The following MIGA1 variants were observed in gnomAD, a reference collection of about 807,000 sequenced individuals.
The protein encoded by MIGA1 is mitoguardin 1, also known as family with sequence similarity 73, member A.
A neutral mutation model predicts 82.0 loss-of-function variants in MIGA1; 58 were observed. That is an observed-to-expected ratio of 0.71 (90% confidence interval 0.57 to 0.88). The LOEUF (loss-of-function observed/expected upper bound fraction) is 0.88. MIGA1 is among the 40% of genes least tolerant of loss of function. MIGA1 has a pLI of 0.00. For missense variants in MIGA1, 751 were observed against 749.1 expected (o/e 1.00, Z -0.03); for synonymous variants, 249 against 253.6 (o/e 0.98, Z 0.17).
At chr1:77,808,610 A>G (rs1340191456) in intron 5 of MIGA1, among the ~76,000 whole-genome samples, 1 of 152,200 alleles carries the variant, frequency 6.6e-6, no homozygotes, top group African/African-American at 2.4e-5. Context: ...AGAAGAACCA[A>G]ATGAACCTGT....
chr1:77,810,788 A>G (rs1683296416), intron 5 of MIGA1: 2 of 1,504,994 alleles, frequency 1.3e-6, no homozygotes, highest in African/African-American at 2.8e-5. Context: ...AAGGGTGAAT[A>G]TGCTACACAG....
chr1:77,847,208 A>T, intron 8 of MIGA1: 1 of 1,195,134 alleles, frequency 8.4e-7, no homozygotes, highest in East Asian at 2.3e-5. Context: ...AATGATTCTG[A>T]TGATGATGAT....
At chr1:77,874,309 A>C (rs1258010268) in intron 15 of MIGA1, among the ~76,000 whole-genome samples, 1 of 152,098 alleles carries the variant, frequency 6.6e-6, no homozygotes, top group Non-Finnish European at 1.5e-5. Context: ...GAGACCTGAA[A>C]TGTTCTTTAT....
intron 13 of MIGA1, among the ~76,000 whole-genome samples, chr1:77,864,832 C>T (rs74977019): frequency 0.015 from 2,273 of 152,280 alleles, 52 homozygotes; most frequent in African/African-American, 0.051. Flanking sequence ...CTGTTCTTTT[C>T]TGTTCTCAAA....
At position 77,783,221 on chromosome 1, in the gene MIGA1, T is replaced by A; in HGVS notation, c.82-17T>A. The A allele has an allele frequency of 6.7e-7, 1 of 1,503,354 alleles. No homozygotes were observed. Among genetic ancestry groups the A allele is most frequent in the Non-Finnish European group, 9.1e-7 (1 of 1,100,046 alleles). 93.1% of individuals were successfully genotyped at this position (1,503,354 alleles called of 1,614,324 possible). A position where few individuals can be genotyped will look rare whatever the true frequency, so the allele number is the denominator to read the frequency against. ...AAATCTTTGTGGCTAATTTTTTTTA[T>A]GTTTCATTTAATGAAGATTAGAAGA... On this transcript the variant is annotated splice_polypyrimidine_tract_variant and intron_variant, in intron 1 of 15. Transcript: ENST00000370791.
At chr1:77,788,394 C>T (rs1682267867) in intron 2 of MIGA1, among the ~76,000 whole-genome samples, 1 of 152,178 alleles carries the variant, frequency 6.6e-6, no homozygotes, top group Non-Finnish European at 1.5e-5. Flanking sequence ...CCACCTTGGC[C>T]TCCAAAGTGC....
chr1:77,819,963 CTG>C (rs942835626), intron 7 of MIGA1, among the ~76,000 whole-genome samples: 8 of 152,216 alleles, frequency 5.3e-5, no homozygotes, highest in Non-Finnish European at 1.2e-4. Flanking sequence ...GGAGGATTAA[CTG>C]TGAACTTTTT....
intron 14 of MIGA1, among the ~76,000 whole-genome samples, chr1:77,869,347 C>A (rs1685806177): frequency 6.8e-6 from 1 of 147,846 alleles, no homozygotes; most frequent in African/African-American, 2.5e-5. Context: ...TACTTCTATC[C>A]ACACAGACCC....
chr1:77,851,992 C>A (rs576667790), intron 8 of MIGA1, among the ~76,000 whole-genome samples: 2 of 149,732 alleles, frequency 1.3e-5, no homozygotes, highest in South Asian at 4.3e-4. Context: ...TCAAGCAATT[C>A]TTCTGCCTCA....
intron 2 of MIGA1, among the ~76,000 whole-genome samples, chr1:77,797,552 A>G (rs1436773507): frequency 6.6e-6 from 1 of 152,090 alleles, no homozygotes; most frequent in African/African-American, 2.4e-5. Flanking sequence ...TATTTGGATT[A>G]TGTTGTTTAT....
intron 2 of MIGA1, among the ~76,000 whole-genome samples, chr1:77,794,788 G>A (rs1352538558): frequency 1.3e-5 from 2 of 152,096 alleles, no homozygotes; most frequent in East Asian, 1.9e-4. Context: ...GCAACAGAGC[G>A]AGACCCTGTC....
At chr1:77,814,075 G>T (rs1683480579) in intron 6 of MIGA1, among the ~76,000 whole-genome samples, 1 of 152,064 alleles carries the variant, frequency 6.6e-6, no homozygotes, top group Non-Finnish European at 1.5e-5. Context: ...TTTTTGTAAA[G>T]ATGGTGTCTC....
chr1:77,822,247 C>T (rs765969613), intron 7 of MIGA1, among the ~76,000 whole-genome samples: 4 of 152,080 alleles, frequency 2.6e-5, no homozygotes, highest in African/African-American at 4.8e-5. Context: ...TCTGTTTTTA[C>T]GTTTTTCATC....
At chr1:77,813,703 C>G (rs1006528298) in intron 5 of MIGA1, 31 bp from the exon 6 acceptor site, 5 of 1,604,022 alleles carry the variant, frequency 3.1e-6, no homozygotes, top group Non-Finnish European at 4.3e-6. Context: ...TGATTTTGCT[C>G]AGTTAAAATT....
chr1:77,851,958 C>T (rs988597146), intron 8 of MIGA1, among the ~76,000 whole-genome samples: 1 of 146,112 alleles, frequency 6.8e-6, no homozygotes, highest in African/African-American at 2.5e-5. Flanking sequence ...CTCACTGCAA[C>T]CTTGCAACCT....
At chr1:77,820,476 G>A (rs775290132) in intron 7 of MIGA1, among the ~76,000 whole-genome samples, 4 of 152,084 alleles carry the variant, frequency 2.6e-5, no homozygotes, top group African/African-American at 4.8e-5. Context: ...AACATATAGA[G>A]TACCAATTTT....
intron 14 of MIGA1, among the ~76,000 whole-genome samples, chr1:77,867,635 G>A (rs1571018833): frequency 6.6e-6 from 1 of 152,138 alleles, no homozygotes; most frequent in South Asian, 2.1e-4. Context: ...GCCCTCATAG[G>A]GTTTCTTGAA....
intron 14 of MIGA1, among the ~76,000 whole-genome samples, chr1:77,867,830 T>C (rs1009003616): frequency 1.3e-5 from 2 of 152,248 alleles, no homozygotes; most frequent in East Asian, 3.8e-4. Flanking sequence ...ACAGCATCTT[T>C]AGAATGTGCT....
At chr1:77,813,928 T>G (rs1683473268) in intron 6 of MIGA1, 61 bp downstream of exon 6, 2 of 1,586,314 alleles carry the variant, frequency 1.3e-6, no homozygotes, top group African/African-American at 1.4e-5. Flanking sequence ...TTTTTTTTGT[T>G]TTTTTGGTAG....
Sources: gnomAD v4.1 joint callset for allele counts (sites outside exome capture counted in the v4.1 genomes callset) on GRCh38, gnomAD v4.1.1 for gene constraint, MANE v1.5 for transcripts, NCBI Gene and HGNC (gene_info 2026-07-23, HGNC 2026-07-21) for gene names.